FAAH2: variants seen among roughly 807,000 people sequenced by gnomAD.
The protein encoded by FAAH2 is fatty acid amide hydrolase 2, also known as fatty-acid amide hydrolase 2.
In FAAH2, 60 loss-of-function variants were observed where a neutral mutation model predicts 36.9. That is an observed-to-expected ratio of 1.63 (90% confidence interval 1.32 to 2.02). The LOEUF is 2.02. Ranked by LOEUF, FAAH2 falls within the 30% of genes most tolerant of loss-of-function variation. The pLI is 0.00. For synonymous variants in FAAH2, 214 were observed against 143.8 expected, an observed-to-expected ratio of 1.49 and a Z score of -3.49; for missense variants, 689 against 397.5, an observed-to-expected ratio of 1.73 and a Z score of -6.23.
intron 7 of FAAH2, chrX:57,395,401 T>G: frequency 1.4e-6 from 1 of 713,327 alleles, no homozygotes; most frequent in Non-Finnish European, 2.2e-6. Context: ...GGATTTCTGC[T>G]GGTGCCATGG....
chrX:57,279,153 C>T, the FAAH2 span, among the ~76,000 whole-genome samples: 5 of 112,110 alleles, frequency 4.5e-5, no homozygotes, highest in African/African-American at 1.3e-4. Flanking sequence ...AACATGAACA[C>T]GTATGTTTAT....
chrX:57,419,736 G>T (rs1413509885), intron 7 of FAAH2, among the ~76,000 whole-genome samples: 1 of 111,789 alleles, frequency 8.9e-6, no homozygotes, highest in African/African-American at 3.3e-5. Flanking sequence ...GATCCCATTT[G>T]TCAATTTAGG....
chrX:57,162,229 C>A, the FAAH2 span, among the ~76,000 whole-genome samples: 6 of 111,507 alleles, frequency 5.4e-5, no homozygotes, highest in East Asian at 2.8e-4. Flanking sequence ...CCGAGAGATC[C>A]GCTGTTAGTC....
In FAAH2 at chrX:57,488,961, G is replaced by A; in HGVS notation, c.*29G>A. The A allele has an allele frequency of 8.5e-7, 1 of 1,172,568 alleles. No individual in the cohort carries two copies. The highest frequency in any genetic ancestry group is 1.1e-6 in the Non-Finnish European group (1 of 875,290). On this transcript the variant is annotated 3_prime_UTR_variant, in exon 11 of 11. Coordinates refer to ENST00000374900, the MANE Select transcript of FAAH2 (RefSeq NM_174912.4). ...GACCTTCTGCAAGGTTAATGTGTGT[G>A]TGTGTTTGTGTTCGTGTGGTGGTGT...
the FAAH2 span, among the ~76,000 whole-genome samples, chrX:57,148,255 G>T: frequency 2.7e-5 from 3 of 111,179 alleles, no homozygotes; most frequent in Non-Finnish European, 5.7e-5. Context: ...GCTCTTTTTT[G>T]GTTCCATATG....
the FAAH2 span, among the ~76,000 whole-genome samples, chrX:57,280,946 T>G: frequency 8.9e-6 from 1 of 112,308 alleles, no homozygotes; most frequent in Non-Finnish European, 1.9e-5. Context: ...CCAGTGATTG[T>G]GCAGAGTGAA....
At chrX:57,440,677 GC>G (rs2056530878) in intron 8 of FAAH2, among the ~76,000 whole-genome samples, 1 of 111,653 alleles carries the variant, frequency 9.0e-6, no homozygotes, top group African/African-American at 3.3e-5. Flanking sequence ...CCTGTCTTGT[GC>G]CAGTTTTCAA....
the FAAH2 span, among the ~76,000 whole-genome samples, chrX:57,149,307 G>A: frequency 2.7e-5 from 3 of 111,508 alleles, no homozygotes; most frequent in Admixed American, 2.9e-4. Context: ...TTTTTCTATT[G>A]ATGGGAATAG....
At chrX:57,174,583 G>A in the FAAH2 span, among the ~76,000 whole-genome samples, 1 of 110,984 alleles carries the variant, frequency 9.0e-6, no homozygotes, top group Admixed American at 9.6e-5. Context: ...AATTCATTTA[G>A]TTCTTTTCTG....
chrX:57,454,782 A>G (rs2056839400), intron 10 of FAAH2, among the ~76,000 whole-genome samples: 1 of 111,867 alleles, frequency 8.9e-6, no homozygotes, highest in Non-Finnish European at 1.9e-5. Context: ...AAATGAAAAA[A>G]TCCTTTGAGA....
At chrX:57,229,675 A>G in the FAAH2 span, among the ~76,000 whole-genome samples, 3 of 111,185 alleles carry the variant, frequency 2.7e-5, no homozygotes, top group African/African-American at 9.8e-5. Context: ...TTTTTTAGAG[A>G]TCTGGAATAA....
intron 5 of FAAH2, among the ~76,000 whole-genome samples, chrX:57,357,298 C>A (rs1334173325): frequency 9.0e-6 from 1 of 111,046 alleles, no homozygotes; most frequent in African/African-American, 3.3e-5. Context: ...ACTAACACAC[C>A]AAAAACAATG....
chrX:57,209,871 T>A, the FAAH2 span, among the ~76,000 whole-genome samples: 3 of 110,915 alleles, frequency 2.7e-5, no homozygotes, highest in African/African-American at 9.8e-5. Context: ...CTGCTGGTAT[T>A]GGCGAGTCCC....
At chrX:57,352,033 TATAC>T (rs1317708172) in intron 5 of FAAH2, among the ~76,000 whole-genome samples, 1 of 8,900 alleles carries the variant, frequency 1.1e-4, no homozygotes, top group East Asian at 0.019. Context: ...TATATATATA[TATAC>T]ATATATATAT....
At chrX:57,267,955 G>T in the FAAH2 span, among the ~76,000 whole-genome samples, 1 of 112,527 alleles carries the variant, frequency 8.9e-6, no homozygotes, top group African/African-American at 3.2e-5. Flanking sequence ...GCCTCCAAAT[G>T]ACCACATTCA....
At chrX:57,226,989 G>A in the FAAH2 span, among the ~76,000 whole-genome samples, 1 of 110,584 alleles carries the variant, frequency 9.0e-6, no homozygotes, top group East Asian at 2.9e-4. Flanking sequence ...TGTGTCCAAT[G>A]TTTCCTGAAT....
chrX:57,258,790 G>T, the FAAH2 span, among the ~76,000 whole-genome samples: 92 of 104,794 alleles, frequency 8.8e-4, no homozygotes, highest in Admixed American at 7.6e-3. Context: ...CTCGCTGCAA[G>T]CTCCGCCTCC....
chrX:57,283,485 C>A (rs774064324), upstream of FAAH2, among the ~76,000 whole-genome samples: 1 of 111,388 alleles, frequency 9.0e-6, no homozygotes, highest in South Asian at 3.8e-4. Context: ...ATCTTCATTT[C>A]TTCTCCAGCC....
chrX:57,121,828 T>G, the FAAH2 span: 1 of 112,469 alleles, frequency 8.9e-6, no homozygotes, highest in African/African-American at 3.2e-5. Context: ...GGAATTCGCC[T>G]TGCTGCCGCC....
Sources: allele counts gnomAD v4.1 joint callset (sites outside exome capture counted in the v4.1 genomes callset), GRCh38; gene constraint gnomAD v4.1.1; transcripts MANE v1.5; gene names NCBI Gene and HGNC (gene_info 2026-07-23, HGNC 2026-07-21).